IL1RAPL1: variants seen among roughly 807,000 people sequenced by gnomAD.
IL1RAPL1 encodes the protein interleukin-1 receptor accessory protein-like 1.
A neutral mutation model predicts 48.4 loss-of-function variants in IL1RAPL1; 3 were observed. The ratio of observed to expected loss-of-function variants is 0.06; its 90% CI spans 0.03 to 0.16. The LOEUF is 0.16. Ranked by LOEUF, IL1RAPL1 falls within the 10% of genes least tolerant of loss-of-function variation. The pLI, the probability that IL1RAPL1 is intolerant of heterozygous loss-of-function variation, is 1.00. For missense variants in IL1RAPL1, 349 were observed against 530.6 expected, an observed-to-expected ratio of 0.66 and a Z score of 3.36; for synonymous variants, 185 against 187.7, an observed-to-expected ratio of 0.99 and a Z score of 0.12.
intron 3 of IL1RAPL1, among the ~76,000 whole-genome samples, chrX:29,294,396 T>C (rs1602156119): frequency 9.3e-6 from 1 of 107,551 alleles, no homozygotes; most frequent in Non-Finnish European, 1.9e-5. Flanking sequence ...GGCGTGGTGG[T>C]GGGTGCCTGT....
intron 1 of IL1RAPL1, among the ~76,000 whole-genome samples, chrX:28,751,147 A>C (rs1936038488): frequency 9.0e-6 from 1 of 111,523 alleles, no homozygotes; most frequent in Non-Finnish European, 1.9e-5. Flanking sequence ...TTTTTGTAGT[A>C]TGTTTTATTC....
chrX:29,655,524 G>A (rs1403375123), intron 5 of IL1RAPL1, among the ~76,000 whole-genome samples: 7 of 109,510 alleles, frequency 6.4e-5, no homozygotes, highest in Non-Finnish European at 9.5e-5. Flanking sequence ...TTATCCAGGC[G>A]TGGTGGTGGG....
At chrX:29,378,709 T>C (rs1368381516) in intron 3 of IL1RAPL1, among the ~76,000 whole-genome samples, 1 of 112,421 alleles carries the variant, frequency 8.9e-6, no homozygotes, top group Admixed American at 9.4e-5. Context: ...GGTCAGTAGA[T>C]AGGCTCTTAC....
chrX:29,791,713 C>T (rs1483348930), intron 6 of IL1RAPL1, among the ~76,000 whole-genome samples: 5 of 101,226 alleles, frequency 4.9e-5, no homozygotes, highest in Admixed American at 1.1e-4. Flanking sequence ...AGTGAGCCAC[C>T]ATGCCCAGCC....
At chrX:28,659,362 CA>C (rs891226199) in intron 1 of IL1RAPL1, 6 of 549,878 alleles carry the variant, frequency 1.1e-5, no homozygotes, top group Non-Finnish European at 1.7e-5. Flanking sequence ...GAGGTTTCTC[CA>C]CCCCTCCAGT....
chrX:29,110,791 C>T (rs1383005773), intron 2 of IL1RAPL1, among the ~76,000 whole-genome samples: 1 of 111,466 alleles, frequency 9.0e-6, no homozygotes, highest in African/African-American at 3.3e-5. Flanking sequence ...TCTTTCATTG[C>T]TATTCAAGTT....
chrX:29,012,470 G>A (rs146741681), intron 2 of IL1RAPL1, among the ~76,000 whole-genome samples: 2,929 of 111,487 alleles, frequency 0.026, 93 homozygotes, highest in African/African-American at 0.088. Flanking sequence ...CTTGAACCCA[G>A]GAGGCAGAGG....
intron 2 of IL1RAPL1, among the ~76,000 whole-genome samples, chrX:29,212,431 C>T (rs1337673846): frequency 3.6e-5 from 4 of 111,518 alleles, no homozygotes; most frequent in African/African-American, 9.8e-5. Context: ...GCCTCAGCCT[C>T]CTGAGTAGCC....
At chrX:28,609,662 C>CACA (rs759745117) in intron 1 of IL1RAPL1, among the ~76,000 whole-genome samples, 1 of 106,026 alleles carries the variant, frequency 9.4e-6, no homozygotes, top group Non-Finnish European at 1.9e-5. Flanking sequence ...CACACACACA[C>CACA]AACATACCTA....
intron 1 of IL1RAPL1, among the ~76,000 whole-genome samples, chrX:28,634,414 C>T (rs762512795): frequency 9.3e-6 from 1 of 107,555 alleles, no homozygotes; most frequent in South Asian, 3.9e-4. Context: ...CGTATGTATA[C>T]ATATATACGT....
At chrX:29,569,949 T>A (rs911720295) in intron 5 of IL1RAPL1, among the ~76,000 whole-genome samples, 1 of 112,107 alleles carries the variant, frequency 8.9e-6, no homozygotes, top group Admixed American at 9.4e-5. Context: ...CATCATGTGT[T>A]ACTATGAATA....
chrX:28,966,980 G>A lies in IL1RAPL1; in HGVS notation c.82+177555G>A, dbSNP rs1027576814. Among the ~76,000 whole-genome samples, 8 of 111,796 alleles carry A rather than the reference G, an allele frequency of 7.2e-5. No homozygotes were observed. The Admixed American group carries it at 7.6e-4, about 11-fold the overall frequency. On this transcript the variant is annotated intron_variant, in intron 2 of 10. Transcript: ENST00000378993. ...ATTAGGACTGGTTCAATTTTTGTCA[G>A]GTTTAGTTTGGTTGCAAATTCCACC... is the stretch of plus-strand genomic sequence containing the variant.
At position 28,747,903 on chromosome X, in the gene IL1RAPL1, A is replaced by T. The variant is rs749707656; in HGVS notation, c.-24-41417A>T. Among the ~76,000 whole-genome samples, 7 of 111,377 alleles carry T rather than the reference A, an allele frequency of 6.3e-5. No homozygotes were observed. In the East Asian group the frequency reaches 1.1e-3, roughly 18 times the overall value. ...AAATATTGTTTCCCAGATTCTCTCTAGTCACTTTTTCTCTGATTCCACTGT... is the reference window on the plus strand; with the variant it reads ...AAATATTGTTTCCCAGATTCTCTCTTGTCACTTTTTCTCTGATTCCACTGT... On this transcript the variant is annotated intron_variant, in intron 1 of 10. Transcript: ENST00000378993.
At chrX:29,061,264 T>C (rs1004558816) in intron 2 of IL1RAPL1, among the ~76,000 whole-genome samples, 1 of 112,009 alleles carries the variant, frequency 8.9e-6, no homozygotes, top group Non-Finnish European at 1.9e-5. Flanking sequence ...AAGGTGCTTT[T>C]ACTAATCAAT....
At chrX:29,587,517 G>C (rs183306778) in intron 5 of IL1RAPL1, among the ~76,000 whole-genome samples, 1 of 111,231 alleles carries the variant, frequency 9.0e-6, no homozygotes, top group Non-Finnish European at 1.9e-5. Context: ...GCTCAGAGTA[G>C]ATTTTAAGCA....
intron 1 of IL1RAPL1, among the ~76,000 whole-genome samples, chrX:28,657,388 A>G (rs1934761881): frequency 8.9e-6 from 1 of 111,856 alleles, no homozygotes; most frequent in Non-Finnish European, 1.9e-5. Context: ...CCTTTCCTAC[A>G]TTATTTCTTT....
intron 6 of IL1RAPL1, among the ~76,000 whole-genome samples, chrX:29,744,221 C>T (rs955596186): frequency 2.7e-5 from 3 of 111,819 alleles, no homozygotes; most frequent in Non-Finnish European, 3.8e-5. Context: ...CAGGGTGATG[C>T]TTTGTAGGAG....
chrX:29,818,198 G>C (rs1290849706), intron 6 of IL1RAPL1, among the ~76,000 whole-genome samples: 2 of 112,237 alleles, frequency 1.8e-5, no homozygotes, highest in Non-Finnish European at 1.9e-5. Context: ...GGGAAACAAT[G>C]TCCAGGTTGT....
chrX:29,388,862 C>G (rs1197151413), intron 3 of IL1RAPL1, among the ~76,000 whole-genome samples: 2 of 111,502 alleles, frequency 1.8e-5, no homozygotes, highest in Non-Finnish European at 3.8e-5. Context: ...AAATCATTAT[C>G]AATGTATTAA....
Sources: allele counts gnomAD v4.1 joint callset (sites outside exome capture counted in the v4.1 genomes callset), GRCh38; gene constraint gnomAD v4.1.1; transcripts MANE v1.5; gene names NCBI Gene and HGNC (gene_info 2026-07-23, HGNC 2026-07-21).